Variants in GALNTL6 observed in about 807,000 individuals in gnomAD.
GALNTL6 encodes the protein polypeptide N-acetylgalactosaminyltransferase like 6.
Under a neutral mutation model 73.7 loss-of-function variants are expected in GALNTL6, and 46 were observed. That is an observed-to-expected ratio of 0.62 (90% CI 0.49 to 0.80). GALNTL6 has a LOEUF of 0.80. GALNTL6 is among the 30% of genes least tolerant of loss of function. GALNTL6 has a pLI of 0.00. For missense variants in GALNTL6, 604 were observed against 755.0 expected (o/e 0.80, Z 2.34); for synonymous variants, 259 against 263.7 (o/e 0.98, Z 0.17).
At chr4:172,380,996 T>C (rs1445149965) in intron 5 of GALNTL6, among the ~76,000 whole-genome samples, 1 of 152,248 alleles carries the variant, frequency 6.6e-6, no homozygotes, top group Non-Finnish European at 1.5e-5. Flanking sequence ...TGTGCTCCTG[T>C]CATACTTTGA....
At chr4:171,862,361 A>G (rs1025734038) in intron 2 of GALNTL6, among the ~76,000 whole-genome samples, 1 of 152,122 alleles carries the variant, frequency 6.6e-6, no homozygotes, top group African/African-American at 2.4e-5. Flanking sequence ...AGACTGCAGA[A>G]ACTTAGAAAA....
At chr4:172,332,866 G>A (rs913652448) in intron 4 of GALNTL6, among the ~76,000 whole-genome samples, 4 of 152,034 alleles carry the variant, frequency 2.6e-5, no homozygotes, top group African/African-American at 4.8e-5. Context: ...TTAATTTTTT[G>A]AGAAATCGTC....
intron 9 of GALNTL6, among the ~76,000 whole-genome samples, chr4:172,937,590 C>T (rs1443547368): frequency 6.6e-6 from 1 of 152,194 alleles, no homozygotes; most frequent in Non-Finnish European, 1.5e-5. Flanking sequence ...ATGTTTACTT[C>T]TGAAAAAAGA....
chr4:172,226,218 C>T lies in GALNTL6; in HGVS notation c.139-3438C>T, dbSNP rs181260117. Among the ~76,000 whole-genome samples, 22 of 152,214 alleles carry T rather than the reference C, an allele frequency of 1.4e-4. No homozygotes were observed. The East Asian group carries it at 3.9e-3, about 27-fold the overall frequency. On this transcript the variant is annotated intron_variant, in intron 2 of 12. Coordinates refer to ENST00000506823, the MANE Select transcript of GALNTL6 (RefSeq NM_001034845.3). ...CATATGACTCCATATTTATAGATAACGTGTATATCACTGTTCTCTATTTTT... is the reference window on the plus strand; with the variant it reads ...CATATGACTCCATATTTATAGATAATGTGTATATCACTGTTCTCTATTTTT...
At chr4:172,649,363 G>C (rs1392527225) in intron 5 of GALNTL6, among the ~76,000 whole-genome samples, 2 of 152,150 alleles carry the variant, frequency 1.3e-5, no homozygotes, top group Non-Finnish European at 2.9e-5. Context: ...TCAGCTCCAA[G>C]TATTGAATGT....
At chr4:171,873,071 T>C (rs1736182609) in intron 2 of GALNTL6, among the ~76,000 whole-genome samples, 1 of 152,158 alleles carries the variant, frequency 6.6e-6, no homozygotes, top group African/African-American at 2.4e-5. Flanking sequence ...ATGTGTGCGC[T>C]CAAGGCCAGC....
chr4:172,577,118 C>T (rs1036672460), intron 5 of GALNTL6, among the ~76,000 whole-genome samples: 5 of 152,170 alleles, frequency 3.3e-5, no homozygotes, highest in African/African-American at 1.2e-4. Context: ...CCCATTCATA[C>T]TGCTGGGCAG....
At chr4:171,959,781 G>A (rs935198968) in intron 2 of GALNTL6, among the ~76,000 whole-genome samples, 35 of 152,204 alleles carry the variant, frequency 2.3e-4, no homozygotes, top group African/African-American at 7.0e-4. Flanking sequence ...GTTGTTCTAC[G>A]TGATGATACC....
intron 5 of GALNTL6, among the ~76,000 whole-genome samples, chr4:172,802,503 C>T (rs1438552771): frequency 2.0e-5 from 3 of 152,040 alleles, no homozygotes; most frequent in Non-Finnish European, 4.4e-5. Context: ...TAACAGGAGA[C>T]AAGATAAGGG....
At chr4:172,254,400 C>T (rs1485553935) in intron 3 of GALNTL6, among the ~76,000 whole-genome samples, 2 of 151,666 alleles carry the variant, frequency 1.3e-5, no homozygotes, top group Non-Finnish European at 3.0e-5. Context: ...TGATACAAGT[C>T]GTTTTGCTTT....
At chr4:172,580,026 C>T (rs1160620639) in intron 5 of GALNTL6, among the ~76,000 whole-genome samples, 1 of 151,900 alleles carries the variant, frequency 6.6e-6, no homozygotes, top group East Asian at 1.9e-4. Context: ...TTAAAATGGC[C>T]TCAAGATGAT....
intron 2 of GALNTL6, among the ~76,000 whole-genome samples, chr4:172,046,531 T>G (rs953179418): frequency 6.6e-6 from 1 of 152,114 alleles, no homozygotes; most frequent in African/African-American, 2.4e-5. Flanking sequence ...CACTGACCCT[T>G]GTTATCTTTT....
intron 2 of GALNTL6, among the ~76,000 whole-genome samples, chr4:171,817,107 C>T (rs9991467): frequency 0.075 from 11,370 of 151,974 alleles, 1,217 homozygotes; most frequent in African/African-American, 0.24. Flanking sequence ...TACTACTATA[C>T]TTCTCCCCAA....
chr4:173,008,900 T>G (rs1752416268), intron 10 of GALNTL6, among the ~76,000 whole-genome samples: 1 of 152,222 alleles, frequency 6.6e-6, no homozygotes, highest in African/African-American at 2.4e-5. Flanking sequence ...CTACAGACTT[T>G]CAGTTACAAG....
intron 11 of GALNTL6, among the ~76,000 whole-genome samples, chr4:173,016,680 G>A (rs1752796804): frequency 6.6e-6 from 1 of 152,164 alleles, no homozygotes; most frequent in Non-Finnish European, 1.5e-5. Flanking sequence ...AGGCTCATAG[G>A]CGGAGGGTAC....
chr4:172,554,910 T>A (rs2110911051), intron 5 of GALNTL6, among the ~76,000 whole-genome samples: 1 of 152,326 alleles, frequency 6.6e-6, no homozygotes, highest in East Asian at 1.9e-4. Flanking sequence ...CTGGAATTAC[T>A]AAAATTTAGG....
At chr4:172,921,583 G>A (rs1353214311) in intron 8 of GALNTL6, among the ~76,000 whole-genome samples, 2 of 152,112 alleles carry the variant, frequency 1.3e-5, no homozygotes, top group African/African-American at 4.8e-5. Flanking sequence ...ATCACTTGAG[G>A]TCAGGAGTTC....
intron 5 of GALNTL6, among the ~76,000 whole-genome samples, chr4:172,359,557 C>T (rs73868976): frequency 0.025 from 3,733 of 152,134 alleles, 156 homozygotes; most frequent in African/African-American, 0.084. Context: ...GAAGTAAGTA[C>T]TATGAATCAG....
intron 5 of GALNTL6, among the ~76,000 whole-genome samples, chr4:172,737,850 T>C (rs142177453): frequency 5.5e-4 from 84 of 152,344 alleles, no homozygotes; most frequent in African/African-American, 1.9e-3. Context: ...ATCTCAGCTC[T>C]AGTAAACTGT....
Sources: gnomAD v4.1 joint callset for allele counts (sites outside exome capture counted in the v4.1 genomes callset) on GRCh38, gnomAD v4.1.1 for gene constraint, MANE v1.5 for transcripts, NCBI Gene and HGNC (gene_info 2026-07-23, HGNC 2026-07-21) for gene names.